The following ACO2 variants were observed in gnomAD, a reference collection of about 807,000 sequenced individuals.
The protein encoded by ACO2 is aconitase 2, also known as aconitate hydratase, mitochondrial.
A neutral mutation model predicts 84.5 loss-of-function variants in ACO2; 31 were observed. The observed-to-expected ratio is 0.37, with a 90% CI of 0.28 to 0.50. ACO2 has a LOEUF of 0.50. ACO2 is among the 20% of genes least tolerant of loss of function. The pLI is 0.97. For synonymous variants in ACO2, 414 were observed against 412.7 expected, an observed-to-expected ratio of 1.00 and a Z score of -0.04; for missense variants, 685 against 1,029.3, an observed-to-expected ratio of 0.67 and a Z score of 4.58.
chr22:41,499,308 T>C (rs985515304), intron 1 of ACO2, among the ~76,000 whole-genome samples: 2 of 152,166 alleles, frequency 1.3e-5, no homozygotes, highest in African/African-American at 2.4e-5. Context: ...GCAGGTAGAC[T>C]AATAGCTATG....
chr22:41,515,226 TG>T lies in ACO2; in HGVS notation c.526-149del. On this transcript the variant is annotated intron_variant, in intron 4 of 17. Transcript: ENST00000216254. This position sits in a 1 kb window ranked among gnomAD's most constrained non-coding sequence, Gnocchi z 5.8. The stretch of plus-strand genomic sequence containing the variant: ...AGGCTCTGGCTCTTCTTGGCCACCC[TG>T]GAGACGGCCTGGATTAAATGGGGCT... 2.2e-6 allele frequency: 2 copies of T among 897,520 alleles called. No individual in the cohort carries two copies. Among genetic ancestry groups the T allele is most frequent in the South Asian group, 1.6e-5 (1 of 62,384 alleles). The allele number at this position is 897,520 out of a possible 1,614,324, so 55.6% of individuals were successfully genotyped here.
intron 3 of ACO2, among the ~76,000 whole-genome samples, chr22:41,509,202 A>G (rs1389219607): frequency 6.6e-6 from 1 of 152,108 alleles, no homozygotes; most frequent in Non-Finnish European, 1.5e-5. Flanking sequence ...CAGGGCTGCT[A>G]CCTTCTGGGG....
At chr22:41,525,002 G>C (rs773778085) in intron 13 of ACO2, 34 bp downstream of exon 13, 2 of 1,614,074 alleles carry the variant, frequency 1.2e-6, no homozygotes, top group South Asian at 1.1e-5. Flanking sequence ...GCTGGTTGCT[G>C]TGTGGCCACG....
At chr22:41,473,498 C>G (rs752488189) in intron 1 of ACO2, among the ~76,000 whole-genome samples, 2 of 152,192 alleles carry the variant, frequency 1.3e-5, no homozygotes, top group Non-Finnish European at 2.9e-5. Context: ...GAGTGAAACT[C>G]TGTCTCAAGA....
intron 1 of ACO2, among the ~76,000 whole-genome samples, chr22:41,480,719 G>A (rs927217362): frequency 5.3e-5 from 8 of 152,040 alleles, no homozygotes; most frequent in East Asian, 3.8e-4. Flanking sequence ...TCTTCTCCCC[G>A]TCCCAGTCCC....
At chr22:41,513,447 C>A (rs1038505300) in intron 4 of ACO2, among the ~76,000 whole-genome samples, 4 of 152,226 alleles carry the variant, frequency 2.6e-5, no homozygotes, top group African/African-American at 9.6e-5. Flanking sequence ...TAGGTCCAAC[C>A]CAAACCTGAA....
chr22:41,523,746 C>T, intron 11 of ACO2, 84 bp from the exon 12 acceptor site: 1 of 1,289,864 alleles, frequency 7.8e-7, no homozygotes, highest in Non-Finnish European at 1.1e-6. Flanking sequence ...TGGGCTGCGC[C>T]ACAGGAACCC....
At chr22:41,483,792 A>T (rs1468897662) in intron 1 of ACO2, among the ~76,000 whole-genome samples, 2 of 152,166 alleles carry the variant, frequency 1.3e-5, no homozygotes, top group African/African-American at 4.8e-5. Context: ...AGGATGGCAG[A>T]TACTTGAGGA....
chr22:41,513,340 G>C (rs3827359), intron 4 of ACO2, among the ~76,000 whole-genome samples: 13,227 of 152,218 alleles, frequency 0.087, 1,546 homozygotes, highest in East Asian at 0.48. Context: ...TCGTGTGTTT[G>C]TTTCTTTAAA....
In ACO2 at chr22:41,524,987, T is replaced by C. The variant is rs2066566976; in HGVS notation, c.1605+19T>C. The C allele has an allele frequency of 6.2e-7, 1 of 1,614,016 alleles. No homozygotes were observed. Among genetic ancestry groups the C allele is most frequent in the African/African-American group, 1.3e-5 (1 of 74,938 alleles). ...CAAAGGGGTGAGCGCCCACGCCCCC[T>C]GCTTGCTGGTTGCTGTGTGGCCACG... On this transcript the variant is annotated intron_variant, in intron 13 of 17. Transcript: ENST00000216254.
At chr22:41,470,395 CTTAT>C (rs1312801047) in intron 1 of ACO2, among the ~76,000 whole-genome samples, 1 of 152,072 alleles carries the variant, frequency 6.6e-6, no homozygotes, top group Non-Finnish European at 1.5e-5. Flanking sequence ...TAAACTTGAA[CTTAT>C]TTTTCATCAC....
intron 6 of ACO2, 198 bp downstream of exon 6, chr22:41,516,115 AGAGATTGAGATACCTGTC>A: frequency 1.4e-6 from 1 of 719,780 alleles, no homozygotes; most frequent in Non-Finnish European, 2.4e-6. Context: ...AAACAGATGA[AGAGATTGAGATACCTGTC>A]GAGGCTGCCG....
At chr22:41,488,142 T>C (rs944426317) in intron 1 of ACO2, among the ~76,000 whole-genome samples, 1 of 152,154 alleles carries the variant, frequency 6.6e-6, no homozygotes, top group Non-Finnish European at 1.5e-5. Flanking sequence ...CACTTTCTGT[T>C]TTGGTGTCTT....
intron 7 of ACO2, 126 bp downstream of exon 7, chr22:41,517,757 G>T (rs1259550445): frequency 5.0e-6 from 4 of 802,524 alleles, no homozygotes; most frequent in African/African-American, 1.7e-5. Flanking sequence ...AGGCGTCCGA[G>T]GCTCTGAGAA....
intron 16 of ACO2, 64 bp downstream of exon 16, chr22:41,527,484 T>G (rs1201920478): frequency 6.5e-7 from 1 of 1,545,250 alleles, no homozygotes; most frequent in Non-Finnish European, 8.7e-7. Context: ...TCACTCTCCC[T>G]GCCCGTGGCT....
rs2066571278 is a variant in ACO2, at chr22:41,525,278, G to A, written c.1691G>A (p.Arg564His). The A allele has an allele frequency of 1.9e-6, 3 of 1,614,054 alleles. No individual in the cohort carries two copies. Among genetic ancestry groups the A allele is most frequent in the Non-Finnish European group, 1.7e-6 (2 of 1,179,988 alleles). ...QHVDVSPTSQ[R>H]LQLLEPFDKW... Reference sequence around the variant, plus strand: ...GTGGACGTGAGCCCCACCAGCCAGCGCCTGCAGCTCCTGGAGCCTTTTGAC... The same window carrying A: ...GTGGACGTGAGCCCCACCAGCCAGCACCTGCAGCTCCTGGAGCCTTTTGAC... Residue 564 changes from arginine (R) to histidine (H), a missense_variant, in exon 14 of 18, where the codon CGC (arginine) becomes CAC (histidine). Physicochemically the swap from Arg to His is conservative, Grantham distance 29. This residue lies in a region of ACO2 where 311 missense variants were observed against 441.6 expected (regional missense o/e 0.70). Coordinates refer to ENST00000216254, the MANE Select transcript of ACO2 (RefSeq NM_001098.3).
At chr22:41,493,398 CCT>C (rs1370992053) in intron 1 of ACO2, among the ~76,000 whole-genome samples, 1 of 152,100 alleles carries the variant, frequency 6.6e-6, no homozygotes, top group Non-Finnish European at 1.5e-5. Flanking sequence ...GATATGGCCC[CCT>C]CTTTTAACAG....
At chr22:41,522,219 G>C (rs751605612) in intron 9 of ACO2, among the ~76,000 whole-genome samples, 2 of 152,132 alleles carry the variant, frequency 1.3e-5, no homozygotes, top group African/African-American at 4.8e-5. Flanking sequence ...GTGGGTCCCA[G>C]CTACTCAGGA....
At chr22:41,497,595 G>T (rs1373369412) in intron 1 of ACO2, among the ~76,000 whole-genome samples, 1 of 151,580 alleles carries the variant, frequency 6.6e-6, no homozygotes. Context: ...AAACCTAAAA[G>T]AATTAGGGTG....
Sources: allele counts gnomAD v4.1 joint callset (sites outside exome capture counted in the v4.1 genomes callset), GRCh38; gene constraint gnomAD v4.1.1; regional missense constraint gnomAD v4.1.1; non-coding constraint Gnocchi (gnomAD v3.1); transcripts MANE v1.5; gene names NCBI Gene and HGNC (gene_info 2026-07-23, HGNC 2026-07-21).